The following LRRTM3 variants were observed in gnomAD, a reference collection of about 807,000 sequenced individuals.
LRRTM3 encodes leucine rich repeat transmembrane neuronal 3.
LRRTM3 carries 24 observed loss-of-function variants against 44.7 expected under a neutral mutation model. That is an observed-to-expected ratio of 0.54 (90% CI 0.39 to 0.76). The LOEUF is 0.76. Ranked by LOEUF, LRRTM3 falls within the 30% of genes least tolerant of loss-of-function variation. The pLI is 0.00. For synonymous variants in LRRTM3, 277 were observed against 278.7 expected (o/e 0.99, Z 0.06); for missense variants, 587 against 702.2 (o/e 0.84, Z 1.85).
chr10:66,941,287 T>C (rs911182983), intron 2 of LRRTM3, among the ~76,000 whole-genome samples: 1 of 152,214 alleles, frequency 6.6e-6, no homozygotes, highest in African/African-American at 2.4e-5. Context: ...CTGAACACAA[T>C]TTGACTCACT....
At chr10:66,964,731 C>T (rs1418924509) in intron 2 of LRRTM3, among the ~76,000 whole-genome samples, 1 of 152,018 alleles carries the variant, frequency 6.6e-6, no homozygotes, top group Non-Finnish European at 1.5e-5. Flanking sequence ...TTTCATGATC[C>T]CTCCCTAAAA....
chr10:66,926,863 G>A, intron 1 of LRRTM3, 58 bp from the exon 2 acceptor site: 1 of 1,450,084 alleles, frequency 6.9e-7, no homozygotes, highest in Non-Finnish European at 9.2e-7. Context: ...ATTTTTGCTT[G>A]ATTAAGGATT....
chr10:67,030,061 A>G (rs1382276019), intron 2 of LRRTM3, among the ~76,000 whole-genome samples: 3 of 152,230 alleles, frequency 2.0e-5, no homozygotes, highest in Non-Finnish European at 2.9e-5. Flanking sequence ...CTAAAAAACA[A>G]TCTTGTAATA....
intron 2 of LRRTM3, among the ~76,000 whole-genome samples, chr10:67,080,282 G>A (rs1856982138): frequency 6.6e-6 from 1 of 152,138 alleles, no homozygotes; most frequent in Admixed American, 6.6e-5. Flanking sequence ...ATCTTATGGG[G>A]GTGGAAAGAG....
At chr10:66,990,088 C>T (rs1312021105) in intron 2 of LRRTM3, among the ~76,000 whole-genome samples, 1 of 152,114 alleles carries the variant, frequency 6.6e-6, no homozygotes, top group Non-Finnish European at 1.5e-5. Context: ...TTGGAGAAGT[C>T]TTCATTTTCT....
chr10:67,001,626 A>C (rs1851698071), intron 2 of LRRTM3, among the ~76,000 whole-genome samples: 1 of 152,176 alleles, frequency 6.6e-6, no homozygotes, highest in South Asian at 2.1e-4. Context: ...TTAATACTCA[A>C]AAAGAATAAT....
At chr10:67,030,863 G>A (rs1200927200) in intron 2 of LRRTM3, among the ~76,000 whole-genome samples, 1 of 152,134 alleles carries the variant, frequency 6.6e-6, no homozygotes, top group Non-Finnish European at 1.5e-5. Context: ...AATTAGCCAG[G>A]TGTGGTGGCG....
chr10:67,024,127 G>A (rs958613433), intron 2 of LRRTM3, among the ~76,000 whole-genome samples: 3 of 152,202 alleles, frequency 2.0e-5, no homozygotes, highest in Non-Finnish European at 4.4e-5. Context: ...CCCTCCAGAG[G>A]TCTAGGGGAA....
intron 2 of LRRTM3, among the ~76,000 whole-genome samples, chr10:67,086,132 A>G (rs1857295182): frequency 6.6e-6 from 1 of 152,088 alleles, no homozygotes. Context: ...GGATAGATAA[A>G]TGGATGAAGG....
In LRRTM3 at chr10:67,031,721, G is replaced by A. The variant is rs1160327347; in HGVS notation, c.1537-65866G>A. On this transcript the variant is annotated intron_variant, in intron 2 of 2. Coordinates refer to ENST00000361320, the MANE Select transcript of LRRTM3 (RefSeq NM_178011.5). ...TGAGTAGACTAGGACCTTAGTTTCCGCTCAAAGATAATGTAATTCTTGTGT... is the reference window on the plus strand; with the variant it reads ...TGAGTAGACTAGGACCTTAGTTTCCACTCAAAGATAATGTAATTCTTGTGT... Among the ~76,000 whole-genome samples, 3 of 152,142 alleles carry A rather than the reference G, an allele frequency of 2.0e-5. No individual in the cohort carries two copies. The East Asian group carries it at 5.8e-4, about 29-fold the overall frequency.
chr10:66,960,033 G>A (rs1206663303), intron 2 of LRRTM3, among the ~76,000 whole-genome samples: 1 of 152,012 alleles, frequency 6.6e-6, no homozygotes, highest in Non-Finnish European at 1.5e-5. Flanking sequence ...TTCAAGCCAG[G>A]TATGTAAGTT....
At chr10:67,025,149 A>G (rs2133087856) in intron 2 of LRRTM3, among the ~76,000 whole-genome samples, 1 of 148,360 alleles carries the variant, frequency 6.7e-6, no homozygotes, top group East Asian at 1.9e-4. Context: ...AAAAAAAAAG[A>G]AAGAAAGGAA....
chr10:67,094,155 G>T (rs1327303236), intron 2 of LRRTM3, among the ~76,000 whole-genome samples: 1 of 151,890 alleles, frequency 6.6e-6, no homozygotes, highest in Non-Finnish European at 1.5e-5. Flanking sequence ...GACTTGCTCT[G>T]ACAAAGAATA....
intron 2 of LRRTM3, among the ~76,000 whole-genome samples, chr10:67,066,803 T>A (rs1358737522): frequency 6.6e-6 from 1 of 152,234 alleles, no homozygotes; most frequent in Non-Finnish European, 1.5e-5. Flanking sequence ...ACATCTCTTC[T>A]AGCTTACCAT....
intron 2 of LRRTM3, among the ~76,000 whole-genome samples, chr10:67,039,553 T>C (rs907448439): frequency 6.6e-6 from 1 of 152,052 alleles, no homozygotes; most frequent in Non-Finnish European, 1.5e-5. Flanking sequence ...TGTTGATACT[T>C]TTTTTGTTTA....
intron 2 of LRRTM3, among the ~76,000 whole-genome samples, chr10:67,020,238 A>G (rs1452782779): frequency 6.6e-6 from 1 of 152,230 alleles, no homozygotes; most frequent in Non-Finnish European, 1.5e-5. Context: ...TAACAAATGA[A>G]GCAAATAAGT....
At chr10:66,982,144 C>T (rs927451505) in intron 2 of LRRTM3, among the ~76,000 whole-genome samples, 2 of 152,178 alleles carry the variant, frequency 1.3e-5, no homozygotes, top group South Asian at 2.1e-4. Context: ...AAAATAAATA[C>T]ATTTGCATTC....
chr10:67,019,692 T>C (rs1014412105), intron 2 of LRRTM3, among the ~76,000 whole-genome samples: 1 of 152,208 alleles, frequency 6.6e-6, no homozygotes, highest in Non-Finnish European at 1.5e-5. Context: ...GGTCTCCCTA[T>C]GTAATGTCAT....
chr10:66,960,403 A>C lies in LRRTM3; in HGVS notation c.1536+31951A>C, dbSNP rs546434308. Among the ~76,000 whole-genome samples the C allele has an allele frequency of 4.7e-4, 72 of 152,272 alleles. No homozygotes were observed. The South Asian group carries it at 0.015, about 31-fold the overall frequency. On this transcript the variant is annotated intron_variant, in intron 2 of 2. Coordinates refer to ENST00000361320, the MANE Select transcript of LRRTM3 (RefSeq NM_178011.5). Reference sequence around the variant, plus strand: ...AGATGTTGTATGGAAAATACCAGCTAAGTCTGATTGAATTTTTCAATTTGC... The same window carrying C: ...AGATGTTGTATGGAAAATACCAGCTCAGTCTGATTGAATTTTTCAATTTGC...
Sources: gnomAD v4.1 joint callset for allele counts (sites outside exome capture counted in the v4.1 genomes callset) on GRCh38, gnomAD v4.1.1 for gene constraint, MANE v1.5 for transcripts, NCBI Gene and HGNC (gene_info 2026-07-23, HGNC 2026-07-21) for gene names.